Variants in POC1A observed in about 807,000 individuals in gnomAD.
POC1A encodes the protein POC1 centriolar protein homolog A.
A neutral mutation model predicts 47.8 loss-of-function variants in POC1A; 34 were observed. The ratio of observed to expected loss-of-function variants is 0.71; its 90% confidence interval spans 0.54 to 0.95. The LOEUF is 0.95. Among genes scored for constraint, POC1A ranks in the 40% least tolerant of loss-of-function variants. The pLI is 0.00. For synonymous variants in POC1A, 177 were observed against 207.6 expected (o/e 0.85, Z 1.27); for missense variants, 466 against 528.3 (o/e 0.88, Z 1.16).
chr3:52,147,599 A>T (rs1559852894), intron 4 of POC1A, among the ~76,000 whole-genome samples: 1 of 151,616 alleles, frequency 6.6e-6, no homozygotes, highest in Non-Finnish European at 1.5e-5. Flanking sequence ...ACACCCAGCT[A>T]ATTTTATTTT....
intron 9 of POC1A, among the ~76,000 whole-genome samples, chr3:52,115,704 A>C (rs952905997): frequency 9.9e-5 from 15 of 152,158 alleles, no homozygotes; most frequent in Admixed American, 5.9e-4. Context: ...CCACGCGAGG[A>C]CACAGTGAGA....
Position 52,122,414 on chromosome 3 carries a change from G to GC in POC1A, c.945dup (p.Pro316AlafsTer46), listed in dbSNP as rs1239278748. The stretch of plus-strand genomic sequence containing the variant: ...ATGGAGCTGGCCAGTGTGGCTGGGG[G>GC]CCTCGGCACTTTCGTGACTTCTCCA... On this transcript the variant is annotated frameshift_variant, in exon 9 of 11. Coordinates refer to ENST00000296484, the MANE Select transcript of POC1A (RefSeq NM_015426.5). LOFTEE classifies it high-confidence loss of function. 2.5e-6 allele frequency: 4 copies of GC among 1,612,368 alleles called. No homozygotes were observed. The South Asian group carries it at 4.4e-5, about 18-fold the overall frequency.
intron 8 of POC1A, among the ~76,000 whole-genome samples, chr3:52,123,201 C>A (rs988472479): frequency 1.3e-5 from 2 of 152,254 alleles, no homozygotes; most frequent in Admixed American, 1.3e-4. Flanking sequence ...GCTAACTCAG[C>A]CATGAAAAAC....
intron 10 of POC1A, 122 bp downstream of exon 10, chr3:52,096,447 A>G (rs1577827046): frequency 4.5e-6 from 4 of 887,808 alleles, no homozygotes; most frequent in Non-Finnish European, 1.7e-6. Flanking sequence ...TATGGACTGG[A>G]AAACAGGTCC....
At chr3:52,114,803 A>G (rs988643628) in intron 9 of POC1A, among the ~76,000 whole-genome samples, 5 of 152,204 alleles carry the variant, frequency 3.3e-5, no homozygotes, top group African/African-American at 7.2e-5. Context: ...GTCATCCCAT[A>G]AAGCCTGGCC....
chr3:52,109,793 T>C (rs1372007434), intron 9 of POC1A, among the ~76,000 whole-genome samples: 1 of 152,200 alleles, frequency 6.6e-6, no homozygotes, highest in Non-Finnish European at 1.5e-5. Flanking sequence ...TCTGATTTTT[T>C]TTCCATGGCA....
chr3:52,077,707 T>C (rs1702161217), intron 10 of POC1A, among the ~76,000 whole-genome samples: 1 of 152,214 alleles, frequency 6.6e-6, no homozygotes, highest in South Asian at 2.1e-4. Context: ...GTGAAACTCA[T>C]AGGGCCAAAA....
At chr3:52,154,305 G>T (rs773534891) in intron 1 of POC1A, 50 bp downstream of exon 1, 1 of 1,536,444 alleles carries the variant, frequency 6.5e-7, no homozygotes, top group South Asian at 1.2e-5. Context: ...GGCGCCCAGT[G>T]TCCCAGCGGG....
intron 9 of POC1A, among the ~76,000 whole-genome samples, chr3:52,107,544 G>A (rs913035677): frequency 6.6e-6 from 1 of 152,168 alleles, no homozygotes; most frequent in African/African-American, 2.4e-5. Flanking sequence ...TCAGCTCCAC[G>A]TACACTCCCA....
In POC1A at chr3:52,124,861, C is replaced by A. The variant is rs184037698; in HGVS notation, c.882+252G>T. Reference sequence around the variant, plus strand: ...CATAGCCCAGCCTCCTTCCACTAAGCGCTAGCCTGAGCAGTGAGGATTCTG... The same window carrying A: ...CATAGCCCAGCCTCCTTCCACTAAGAGCTAGCCTGAGCAGTGAGGATTCTG... On this transcript the variant is annotated intron_variant, in intron 8 of 10. Coordinates refer to ENST00000296484, the MANE Select transcript of POC1A (RefSeq NM_015426.5). Among the ~76,000 whole-genome samples the A allele has an allele frequency of 2.0e-5, 3 of 152,294 alleles. No homozygotes were observed. In the East Asian group the frequency reaches 5.8e-4, roughly 29 times the overall value.
chr3:52,113,831 C>T (rs999463436), intron 9 of POC1A, among the ~76,000 whole-genome samples: 1 of 152,204 alleles, frequency 6.6e-6, no homozygotes. Flanking sequence ...GCACTTTCCA[C>T]GAATTCTATT....
At chr3:52,149,456 A>G in intron 3 of POC1A, 67 bp from the exon 4 acceptor site, 2 of 1,457,604 alleles carry the variant, frequency 1.4e-6, no homozygotes, top group Non-Finnish European at 1.9e-6. Context: ...CAAGCACATC[A>G]AAGCTCTCCT....
At chr3:52,125,547 G>A (rs1337261590) in intron 7 of POC1A, among the ~76,000 whole-genome samples, 1 of 152,160 alleles carries the variant, frequency 6.6e-6, no homozygotes, top group Non-Finnish European at 1.5e-5. Flanking sequence ...CCCAGCCACA[G>A]CACTGAGACC....
chr3:52,122,254 G>A, intron 9 of POC1A, 125 bp downstream of exon 9: 1 of 611,796 alleles, frequency 1.6e-6, no homozygotes, highest in East Asian at 2.8e-5. Context: ...AGAAGATCTT[G>A]CTAGGGTCCC....
intron 9 of POC1A, among the ~76,000 whole-genome samples, chr3:52,121,608 G>A (rs778372612): frequency 1.3e-5 from 2 of 152,130 alleles, no homozygotes; most frequent in Non-Finnish European, 2.9e-5. Context: ...TGACTCGCTG[G>A]AGGCCTTGGG....
At chr3:52,128,809 T>A (rs1704107786) in intron 7 of POC1A, among the ~76,000 whole-genome samples, 1 of 152,220 alleles carries the variant, frequency 6.6e-6, no homozygotes, top group Middle Eastern at 3.2e-3. Context: ...TTAATTCAGG[T>A]ATTTTCAATT....
rs140930295 is a variant in POC1A, at chr3:52,146,996, C to T, written c.555G>A (p.Glu185=). 14 of 1,613,578 alleles carry T rather than the reference C, an allele frequency of 8.7e-6. No individual in the cohort carries two copies. Among genetic ancestry groups the T allele is most frequent in the Middle Eastern group, 1.6e-4 (1 of 6,082 alleles). The change falls in exon 5 of 11, where the codon GAG becomes GAA. Residue 185 remains glutamate, a synonymous_variant. Coordinates refer to ENST00000296484, the MANE Select transcript of POC1A (RefSeq NM_015426.5). ...AGCATCTGGGGACTCACCCGCCATG[C>T]TCACAATACGAGTGGACACATTCCC... ...SSRECVHSYC[E]HGGFVTYVDF...
At chr3:52,106,782 C>T (rs1355206340) in intron 9 of POC1A, among the ~76,000 whole-genome samples, 2 of 152,228 alleles carry the variant, frequency 1.3e-5, no homozygotes, top group African/African-American at 4.8e-5. Flanking sequence ...GTTCTCCTCA[C>T]CCAGGCCCAT....
At chr3:52,133,870 C>T (rs1307845889) in intron 7 of POC1A, among the ~76,000 whole-genome samples, 1 of 152,244 alleles carries the variant, frequency 6.6e-6, no homozygotes, top group Non-Finnish European at 1.5e-5. Flanking sequence ...GACCTCACTG[C>T]TGCTCACCCC....
Sources: allele counts gnomAD v4.1 joint callset (sites outside exome capture counted in the v4.1 genomes callset), GRCh38; gene constraint gnomAD v4.1.1; transcripts MANE v1.5; gene names NCBI Gene and HGNC (gene_info 2026-07-23, HGNC 2026-07-21).